The following PCOLCE variants were observed in gnomAD, a reference collection of about 807,000 sequenced individuals.
PCOLCE encodes the protein procollagen C-endopeptidase enhancer 1.
In PCOLCE, 33 loss-of-function variants were observed where a neutral mutation model predicts 47.2. The ratio of observed to expected loss-of-function variants is 0.70; its 90% CI spans 0.53 to 0.93. The LOEUF is 0.93. Ranked by LOEUF, PCOLCE falls within the 40% of genes least tolerant of loss-of-function variation. The probability of loss-of-function intolerance (pLI) is 0.00; values close to 1 mark genes in which losing one functional copy is unlikely to be tolerated. For missense variants in PCOLCE, 584 were observed against 585.3 expected, an observed-to-expected ratio of 1.00 and a Z score of 0.02; for synonymous variants, 254 against 252.5, an observed-to-expected ratio of 1.01 and a Z score of -0.06.
Position 100,606,650 on chromosome 7 carries a change from G to T in PCOLCE, c.940+20G>T, listed in dbSNP as rs373334408. 5 of 1,566,166 alleles carry T rather than the reference G, an allele frequency of 3.2e-6. No individual in the cohort carries two copies. The highest frequency in any genetic ancestry group is 4.4e-6 in the Non-Finnish European group (5 of 1,148,720). On this transcript the variant is annotated intron_variant, in intron 6 of 8. Transcript: ENST00000223061. Reference sequence around the variant, plus strand: ...CCCCTGGTGAGTCTGGGATAGGGGAGGAAGGGGAAACAGACTGAAGGGGGC... The same window carrying T: ...CCCCTGGTGAGTCTGGGATAGGGGATGAAGGGGAAACAGACTGAAGGGGGC...
Position 100,605,426 on chromosome 7 carries a change from T to C in PCOLCE, c.588+211T>C. On this transcript the variant is annotated intron_variant, in intron 4 of 8. Transcript: ENST00000223061. The surrounding 1 kb of genome is among the most constrained non-coding windows in gnomAD (Gnocchi z 6.1). ...CTCAGGAGAGCGAGGTACAGGGTCCTGGTATAACACGCGGGCCTGTCACTT... is the reference window on the plus strand; with the variant it reads ...CTCAGGAGAGCGAGGTACAGGGTCCCGGTATAACACGCGGGCCTGTCACTT... The C allele has an allele frequency of 1.5e-6, 1 of 658,914 alleles. No homozygotes were observed. The highest frequency in any genetic ancestry group is 2.6e-6 in the Non-Finnish European group (1 of 389,590). 40.8% of individuals were successfully genotyped at this position (658,914 alleles called of 1,614,324 possible).
At chr7:100,602,766 C>G (rs1802634401) in intron 1 of PCOLCE, 2 of 581,238 alleles carry the variant, frequency 3.4e-6, no homozygotes, top group Admixed American at 6.1e-5. Context: ...CCACCTTCGT[C>G]CTCTGGTCTC....
At position 100,604,085 on chromosome 7, in the gene PCOLCE, T is replaced by A; in HGVS notation, c.331T>A (p.Phe111Ile). 1 of 1,609,768 alleles carries A rather than the reference T, an allele frequency of 6.2e-7. No individual in the cohort carries two copies. Among genetic ancestry groups the A allele is most frequent in the Non-Finnish European group, 8.5e-7 (1 of 1,179,980 alleles). ...GACTTCCGGCCAGCGGCTCGGACGC[T>A]TTTGTGGGACCTTCCGGCCTGCGCC... ...SGTSGQRLGR[F>I]CGTFRPAPLV... Residue 111 changes from phenylalanine (F) to isoleucine (I), a missense_variant, in exon 3 of 9, where the codon TTT becomes ATT. By Grantham distance (21) the Phe-to-Ile change is conservative (BLOSUM62 0). Coordinates refer to ENST00000223061, the MANE Select transcript of PCOLCE (RefSeq NM_002593.4). This position sits in a 1 kb window ranked among gnomAD's most constrained non-coding sequence, Gnocchi z 6.4.
At chr7:100,606,297 C>T in intron 5 of PCOLCE, 119 bp from the exon 6 acceptor site, 1 of 688,972 alleles carries the variant, frequency 1.5e-6, no homozygotes, top group Admixed American at 2.6e-5. Context: ...CCACTGCACT[C>T]AAGCCTGGGA....
chr7:100,607,899 A>C (rs1267907970), intron 8 of PCOLCE, 38 bp from the exon 9 acceptor site: 2 of 1,613,068 alleles, frequency 1.2e-6, no homozygotes, highest in African/African-American at 1.3e-5. Flanking sequence ...GACAGGTCTC[A>C]AGAATAAGAG....
Position 100,605,058 on chromosome 7 carries a change from C to T in PCOLCE, c.464-33C>T, listed in dbSNP as rs961141194. The T allele has an allele frequency of 1.9e-6, 3 of 1,542,168 alleles. No homozygotes were observed. Among genetic ancestry groups the T allele is most frequent in the African/African-American group, 2.7e-5 (2 of 73,684 alleles). On this transcript the variant is annotated intron_variant, in intron 3 of 8. Coordinates refer to ENST00000223061, the MANE Select transcript of PCOLCE (RefSeq NM_002593.4). This position sits in a 1 kb window ranked among gnomAD's most constrained non-coding sequence, Gnocchi z 6.1. ...TGAAGCTGACCGAGGGTCTCCACCG[C>T]CCCCCACCCCCGCTCCTCTCTCCCC... is the stretch of plus-strand genomic sequence containing the variant.
rs148210603 is a variant in PCOLCE, at chr7:100,604,186, C to A, written c.432C>A (p.Leu144=). 444 of 1,612,996 alleles carry A rather than the reference C, an allele frequency of 2.8e-4. 1 individual carries two copies. The African/African-American group carries it at 5.4e-3, about 20-fold the overall frequency. The change falls in exon 3 of 9, where the codon CTC becomes CTA. Residue 144 remains leucine (L), a synonymous_variant. Coordinates refer to ENST00000223061, the MANE Select transcript of PCOLCE (RefSeq NM_002593.4). This position sits in a 1 kb window ranked among gnomAD's most constrained non-coding sequence, Gnocchi z 6.4. ...DEGTGGRGFL[L]WYSGRATSGT... ...GCACAGGAGGACGAGGCTTCCTGCTCTGGTACAGCGGGCGGGCCACCTCGG... is the reference window on the plus strand; with the variant it reads ...GCACAGGAGGACGAGGCTTCCTGCTATGGTACAGCGGGCGGGCCACCTCGG...
chr7:100,603,504 AC>A lies in PCOLCE; in HGVS notation c.176del (p.Pro59LeufsTer9). ...YVASEGFPNL[Y>X]PPNKECIWTI... ...GCAAGTGAGGGGTTCCCCAACCTCT[AC>A]CCCCCTAATAAGGAGTGCATCTGGA... On this transcript the variant is annotated frameshift_variant, in exon 2 of 9. Transcript: ENST00000223061. LOFTEE classifies it high-confidence loss of function. 1 of 1,597,532 alleles carries A rather than the reference AC, an allele frequency of 6.3e-7. No homozygotes were observed. Among genetic ancestry groups the A allele is most frequent in the South Asian group, 1.1e-5 (1 of 89,942 alleles).
Position 100,604,346 on chromosome 7 carries a change from C to A in PCOLCE, c.463+129C>A, listed in dbSNP as rs528554554. On this transcript the variant is annotated intron_variant, in intron 3 of 8. Transcript: ENST00000223061. This position sits in a 1 kb window ranked among gnomAD's most constrained non-coding sequence, Gnocchi z 6.4. Reference sequence around the variant, plus strand: ...CCTAGGGCCCCCTACCTCCCTGACCCATTTTCCTCACTAACCGCCCCTTCA... The same window carrying A: ...CCTAGGGCCCCCTACCTCCCTGACCAATTTTCCTCACTAACCGCCCCTTCA... 3.4e-5 allele frequency: 26 copies of A among 763,524 alleles called. No individual in the cohort carries two copies. The African/African-American group carries it at 3.7e-4, about 11-fold the overall frequency. 47.3% of individuals were successfully genotyped at this position (763,524 alleles called of 1,614,324 possible).
At chr7:100,607,419 G>A (rs1257277062) in intron 6 of PCOLCE, 33 bp from the exon 7 acceptor site, 1 of 1,563,614 alleles carries the variant, frequency 6.4e-7, no homozygotes, top group Admixed American at 1.7e-5. Flanking sequence ...CCTACCTGCT[G>A]AGCAGGTCAC....
intron 1 of PCOLCE, chr7:100,603,079 G>C: frequency 3.7e-6 from 1 of 267,524 alleles, no homozygotes; most frequent in Non-Finnish European, 7.0e-6. Context: ...TCCACATCTG[G>C]AAGTAGTTAG....
chr7:100,603,512 A>C lies in PCOLCE; in HGVS notation c.178A>C (p.Asn60His). 1.3e-6 allele frequency: 2 copies of C among 1,593,712 alleles called. No homozygotes were observed. The highest frequency in any genetic ancestry group is 1.7e-4 in the Middle Eastern group (1 of 5,998). Residue 60 changes from asparagine to histidine, a missense_variant, in exon 2 of 9, where the codon AAT becomes CAT. By Grantham distance (68) the Asn-to-His change is moderately conservative (BLOSUM62 1). Transcript: ENST00000223061. ...SEGFPNLYPPNKECIWTITVP... is the reference protein window; with the variant it reads ...SEGFPNLYPPHKECIWTITVP... ...GGGGTTCCCCAACCTCTACCCCCCT[A>C]ATAAGGAGTGCATCTGGACCATAAC...
chr7:100,607,953 G>C lies in PCOLCE; in HGVS notation c.1200G>C (p.Leu400=). 1 of 1,614,144 alleles carries C rather than the reference G, an allele frequency of 6.2e-7. No individual in the cohort carries two copies. The highest frequency in any genetic ancestry group is 8.5e-7 in the Non-Finnish European group (1 of 1,180,016). ...TTCTTCCAGGAGTCAGTTATCTGCT[G>C]ATGGGCCAGGTAGAAGAGAACAGAG... The part of the protein sequence containing the change: ...PPMKKGVSYL[L]MGQVEENRGP... Residue 400 remains leucine, a synonymous_variant, in exon 9 of 9, where the codon CTG becomes CTC. Transcript: ENST00000223061.
intron 2 of PCOLCE, 71 bp downstream of exon 2, chr7:100,603,609 C>CCCCCCCCCG: frequency 1.9e-6 from 1 of 515,880 alleles, no homozygotes; most frequent in Non-Finnish European, 3.3e-6. Flanking sequence ...GCGAAGGGAC[C>CCCCCCCCCG]CCCCCCCCGT....
Position 100,605,438 on chromosome 7 carries a change from C to CG in PCOLCE, c.588+226dup, listed in dbSNP as rs1802696739. 1.1e-5 allele frequency: 7 copies of CG among 650,198 alleles called. No homozygotes were observed. The highest frequency in any genetic ancestry group is 1.8e-5 in the Non-Finnish European group (7 of 382,120). 40.3% of individuals were successfully genotyped at this position (650,198 alleles called of 1,614,324 possible). A position where few individuals can be genotyped will look rare whatever the true frequency, so the allele number is the denominator to read the frequency against. On this transcript the variant is annotated intron_variant, in intron 4 of 8. Coordinates refer to ENST00000223061, the MANE Select transcript of PCOLCE (RefSeq NM_002593.4). This position sits in a 1 kb window ranked among gnomAD's most constrained non-coding sequence, Gnocchi z 6.1. ...AGGTACAGGGTCCTGGTATAACACG[C>CG]GGGCCTGTCACTTGTGAGTGCGCCA... is the stretch of plus-strand genomic sequence containing the variant.
Position 100,605,236 on chromosome 7 carries a change from G to C in PCOLCE, c.588+21G>C. Reference sequence around the variant, plus strand: ...ACCAGGTACCGACCCTCCTCCCCGGGCTGCCCTAGGGGACCCAGGCGGCGC... The same window carrying C: ...ACCAGGTACCGACCCTCCTCCCCGGCCTGCCCTAGGGGACCCAGGCGGCGC... On this transcript the variant is annotated intron_variant, in intron 4 of 8. Coordinates refer to ENST00000223061, the MANE Select transcript of PCOLCE (RefSeq NM_002593.4). The surrounding 1 kb of genome is among the most constrained non-coding windows in gnomAD (Gnocchi z 6.1). 1 of 1,604,470 alleles carries C rather than the reference G, an allele frequency of 6.2e-7. No individual in the cohort carries two copies.
chr7:100,602,383 C>T lies in PCOLCE; in HGVS notation c.-74C>T. The T allele has an allele frequency of 1.0e-6, 1 of 978,894 alleles. No individual in the cohort carries two copies. Among genetic ancestry groups the T allele is most frequent in the Non-Finnish European group, 1.6e-6 (1 of 609,858 alleles). 60.6% of individuals were successfully genotyped at this position (978,894 alleles called of 1,614,324 possible). A position where few individuals can be genotyped will look rare whatever the true frequency, so the allele number is the denominator to read the frequency against. On this transcript the variant is annotated 5_prime_UTR_variant, in exon 1 of 9. Coordinates refer to ENST00000223061, the MANE Select transcript of PCOLCE (RefSeq NM_002593.4). ...GCGCTGATTATCCTGCTGCTGCCGC[C>T]ACCGCTGCTGCTGCTCTGCAAAATT... is the stretch of plus-strand genomic sequence containing the variant.
Position 100,607,672 on chromosome 7 carries a change from C to T in PCOLCE, c.1048C>T (p.Pro350Ser), listed in dbSNP as rs774433442. Residue 350 changes from proline to serine, a missense_variant, in exon 8 of 9, where the codon CCA (proline) becomes TCA (serine). Transcript: ENST00000223061. Reference sequence around the variant, plus strand: ...GACAGTGAAGTCCATGGTTCGGGAGCCAGGGGAGGGCCTTGCCGTGACTGT... The same window carrying T: ...GACAGTGAAGTCCATGGTTCGGGAGTCAGGGGAGGGCCTTGCCGTGACTGT... ...TATVKSMVRE[P>S]GEGLAVTVSL... The T allele has an allele frequency of 1.9e-6, 3 of 1,614,136 alleles. No individual in the cohort carries two copies. Among genetic ancestry groups the T allele is most frequent in the South Asian group, 1.1e-5 (1 of 91,080 alleles).
At chr7:100,603,877 C>G in intron 2 of PCOLCE, 82 bp from the exon 3 acceptor site, 1 of 1,509,796 alleles carries the variant, frequency 6.6e-7, no homozygotes, top group Non-Finnish European at 8.9e-7. Flanking sequence ...CTGCAAGAAA[C>G]GCTTGGGGCA....
Sources: allele counts gnomAD v4.1 joint callset, GRCh38; gene constraint gnomAD v4.1.1; non-coding constraint Gnocchi (gnomAD v3.1); transcripts MANE v1.5; gene names NCBI Gene and HGNC (gene_info 2026-07-23, HGNC 2026-07-21).